Variants in FAAH2 observed in about 807,000 individuals in gnomAD.
FAAH2 encodes fatty-acid amide hydrolase 2.
A neutral mutation model predicts 36.9 loss-of-function variants in FAAH2; 60 were observed. The observed-to-expected ratio is 1.63, with a 90% CI of 1.32 to 2.02. FAAH2 has a LOEUF of 2.02. FAAH2 is among the 30% of genes most tolerant of loss of function. The pLI is 0.00. For missense variants in FAAH2, 689 were observed against 397.5 expected (o/e 1.73, Z -6.23); for synonymous variants, 214 against 143.8 (o/e 1.49, Z -3.49).
At position 57,449,246 on chromosome X, in the gene FAAH2, T is replaced by G. The variant is rs193102728; in HGVS notation, c.1423+528T>G. Among the ~76,000 whole-genome samples, 4 of 112,202 alleles carry G rather than the reference T, an allele frequency of 3.6e-5. No homozygotes were observed. The East Asian group carries it at 1.1e-3, about 32-fold the overall frequency. On this transcript the variant is annotated intron_variant, in intron 10 of 10. Coordinates refer to ENST00000374900, the MANE Select transcript of FAAH2 (RefSeq NM_174912.4). ...TGTGAAGTCTAAAGGCCCCTGGACA[T>G]GTACTAGGTCAGTTTCTATGGTTTC...
intron 5 of FAAH2, among the ~76,000 whole-genome samples, chrX:57,352,263 A>G: frequency 9.6e-6 from 1 of 103,752 alleles, no homozygotes; most frequent in Non-Finnish European, 2.0e-5. Context: ...TAGACCACAT[A>G]CTATGATTAA....
At chrX:57,138,872 G>A in the FAAH2 span, among the ~76,000 whole-genome samples, 10 of 112,060 alleles carry the variant, frequency 8.9e-5, no homozygotes, top group East Asian at 2.5e-3. Flanking sequence ...TTTGAGAAAT[G>A]TCTACTCAGC....
At chrX:57,487,686 T>A (rs1170546812) in intron 10 of FAAH2, among the ~76,000 whole-genome samples, 1 of 112,058 alleles carries the variant, frequency 8.9e-6, no homozygotes, top group Admixed American at 9.5e-5. Context: ...GTCACATTGG[T>A]GCAGACTCTT....
intron 4 of FAAH2, among the ~76,000 whole-genome samples, chrX:57,339,627 T>A (rs2053638423): frequency 8.9e-6 from 1 of 112,134 alleles, no homozygotes; most frequent in South Asian, 3.7e-4. Flanking sequence ...AAAACATTAA[T>A]GCAGCCAACA....
chrX:57,463,545 A>G (rs1251653639), intron 10 of FAAH2, among the ~76,000 whole-genome samples: 1 of 111,466 alleles, frequency 9.0e-6, no homozygotes, highest in African/African-American at 3.3e-5. Flanking sequence ...CCTGACAAAA[A>G]CAAGCAATGA....
chrX:57,154,247 T>A, the FAAH2 span, among the ~76,000 whole-genome samples: 1 of 108,585 alleles, frequency 9.2e-6, no homozygotes, highest in African/African-American at 3.4e-5. Context: ...ACTGAAGATT[T>A]CTCCCCTCAT....
chrX:57,124,619 A>T, the FAAH2 span, among the ~76,000 whole-genome samples: 1 of 111,783 alleles, frequency 8.9e-6, no homozygotes, highest in Non-Finnish European at 1.9e-5. Flanking sequence ...CACGATATTG[A>T]TTCTTCCTAC....
At chrX:57,232,005 C>T in the FAAH2 span, among the ~76,000 whole-genome samples, 4 of 111,369 alleles carry the variant, frequency 3.6e-5, no homozygotes, top group South Asian at 3.7e-4. Flanking sequence ...GCATGATATG[C>T]TTGGAAGATT....
At chrX:57,198,425 C>G in the FAAH2 span, among the ~76,000 whole-genome samples, 2 of 111,964 alleles carry the variant, frequency 1.8e-5, no homozygotes, top group Non-Finnish European at 3.8e-5. Flanking sequence ...TCACCATGCC[C>G]CACCAACAGG....
chrX:57,440,733 T>C (rs1275166824), intron 8 of FAAH2, among the ~76,000 whole-genome samples: 1 of 111,664 alleles, frequency 9.0e-6, no homozygotes, highest in Non-Finnish European at 1.9e-5. Context: ...ACATTGGCTT[T>C]GGGTTTGGCA....
chrX:57,432,960 T>A (rs1354965781), intron 8 of FAAH2, among the ~76,000 whole-genome samples: 1 of 106,189 alleles, frequency 9.4e-6, no homozygotes, highest in Non-Finnish European at 2.0e-5. Flanking sequence ...CACACGACCC[T>A]CTCTACCTTA....
At chrX:57,408,259 T>G (rs1247164938) in intron 7 of FAAH2, among the ~76,000 whole-genome samples, 1 of 111,133 alleles carries the variant, frequency 9.0e-6, no homozygotes, top group Non-Finnish European at 1.9e-5. Flanking sequence ...AATGAAGATA[T>G]TAACAATATT....
the FAAH2 span, among the ~76,000 whole-genome samples, chrX:57,191,624 C>G: frequency 9.0e-6 from 1 of 111,722 alleles, no homozygotes; most frequent in Non-Finnish European, 1.9e-5. Flanking sequence ...AGTTTGAGGT[C>G]TCATTGAAGT....
At chrX:57,472,199 T>C (rs2057181515) in intron 10 of FAAH2, among the ~76,000 whole-genome samples, 1 of 111,935 alleles carries the variant, frequency 8.9e-6, no homozygotes, top group Non-Finnish European at 1.9e-5. Flanking sequence ...ACTTCATGTC[T>C]AAAACACCAA....
chrX:57,407,530 C>A (rs1381677068), intron 7 of FAAH2, among the ~76,000 whole-genome samples: 1 of 112,131 alleles, frequency 8.9e-6, no homozygotes, highest in African/African-American at 3.2e-5. Flanking sequence ...CCAATCTCTG[C>A]CAGATTTTTG....
At chrX:57,228,835 T>C in the FAAH2 span, among the ~76,000 whole-genome samples, 39 of 111,646 alleles carry the variant, frequency 3.5e-4, no homozygotes, top group Non-Finnish European at 6.6e-4. Context: ...GCTCCATGAT[T>C]CTGGGGTCTG....
the FAAH2 span, among the ~76,000 whole-genome samples, chrX:57,242,061 G>C: frequency 8.9e-6 from 1 of 112,745 alleles, no homozygotes; most frequent in South Asian, 3.6e-4. Flanking sequence ...AGAGAGCAGC[G>C]TATCCTGACA....
At chrX:57,291,668 C>A (rs1309845930) in intron 1 of FAAH2, among the ~76,000 whole-genome samples, 2 of 110,559 alleles carry the variant, frequency 1.8e-5, no homozygotes, top group Non-Finnish European at 3.8e-5. Context: ...GATCTGATTT[C>A]TTTTTAATTA....
intron 10 of FAAH2, among the ~76,000 whole-genome samples, chrX:57,479,874 T>G (rs1294185233): frequency 1.8e-5 from 2 of 110,295 alleles, no homozygotes; most frequent in Non-Finnish European, 3.8e-5. Flanking sequence ...GCAAGACTAA[T>G]AAAGAAGAAA....
Sources: allele counts gnomAD v4.1 joint callset (sites outside exome capture counted in the v4.1 genomes callset), GRCh38; gene constraint gnomAD v4.1.1; transcripts MANE v1.5; gene names NCBI Gene and HGNC (gene_info 2026-07-23, HGNC 2026-07-21).